The following RNF215 variants were observed in gnomAD, a reference collection of about 807,000 sequenced individuals.
RNF215 encodes ring finger protein 215.
RNF215 carries 41 observed loss-of-function variants against 44.8 expected under a neutral mutation model. The ratio of observed to expected loss-of-function variants is 0.92; its 90% CI spans 0.71 to 1.19. The LOEUF (loss-of-function observed/expected upper bound fraction) is 1.19. RNF215 is among the 50% of genes most tolerant of loss of function. The pLI, the probability that RNF215 is intolerant of heterozygous loss-of-function variation, is 0.00. For missense variants in RNF215, 452 were observed against 496.2 expected (o/e 0.91, Z 0.85); for synonymous variants, 218 against 230.1 (o/e 0.95, Z 0.48).
In RNF215 at chr22:30,379,696, A is replaced by G. The variant is rs1460267443; in HGVS notation, c.1111+15T>C. ...CAGGCAGAGTAGGCCGAGGGACCCC[A>G]CCCCTGGTGCTCACCCAGGACGTTG... is the stretch of plus-strand genomic sequence containing the variant. On this transcript the variant is annotated intron_variant, in intron 8 of 8. Transcript: ENST00000382363. The G allele has an allele frequency of 1.9e-6, 3 of 1,553,364 alleles. No homozygotes were observed. Among genetic ancestry groups the G allele is most frequent in the Non-Finnish European group, 2.6e-6 (3 of 1,148,056 alleles).
chr22:30,382,710 A>G (rs1322663533), intron 5 of RNF215, among the ~76,000 whole-genome samples: 2 of 152,138 alleles, frequency 1.3e-5, no homozygotes, highest in Admixed American at 1.3e-4. Context: ...GGGGAGCCCT[A>G]TGTGCCCCAG....
In RNF215 at chr22:30,380,108, C is replaced by A; in HGVS notation, c.962G>T (p.Gly321Val). ...SRAAQGLPDP[G>V]AETCAVCLDY... ...CAGGCACACCGCACAGGTCTCAGCA[C>A]CCGGATCTGGGAGGCCCTGCGCTGC... Residue 321 changes from glycine (G) to valine (V), a missense_variant, in exon 7 of 9, where the codon GGT (glycine) becomes GTT (valine). Physicochemically the swap from Gly to Val is moderately radical, Grantham distance 109 (BLOSUM62 -3). Coordinates refer to ENST00000382363, the MANE Select transcript of RNF215 (RefSeq NM_001017981.2). This position sits in a 1 kb window ranked among gnomAD's most constrained non-coding sequence, Gnocchi z 5.3. 6.2e-7 allele frequency: 1 copy of A among 1,613,962 alleles called. No individual in the cohort carries two copies. The highest frequency in any genetic ancestry group is 2.2e-5 in the East Asian group (1 of 44,880).
At position 30,384,532 on chromosome 22, in the gene RNF215, T is replaced by C. The variant is rs746184512; in HGVS notation, c.588-37A>G. 6.9e-6 allele frequency: 11 copies of C among 1,599,724 alleles called. No homozygotes were observed. The East Asian group carries it at 2.2e-4, about 33-fold the overall frequency. On this transcript the variant is annotated intron_variant, in intron 4 of 8. Transcript: ENST00000382363. ...AGTCACCGGGGCCAGATGGAAGGAC[T>C]CTTGGGAAGGGAGGCCCAGACCCAC...
intron 5 of RNF215, among the ~76,000 whole-genome samples, chr22:30,383,887 A>T (rs1215385993): frequency 6.6e-6 from 1 of 152,168 alleles, no homozygotes; most frequent in Non-Finnish European, 1.5e-5. Context: ...TTCTAGCTAG[A>T]CTAGGACGTG....
At chr22:30,385,279 G>A (rs1029401191) in intron 4 of RNF215, among the ~76,000 whole-genome samples, 4 of 152,012 alleles carry the variant, frequency 2.6e-5, no homozygotes, top group African/African-American at 4.8e-5. Context: ...AAAATTAGCC[G>A]GGCATGGTGG....
In RNF215 at chr22:30,387,367, G is replaced by A. The variant is rs1328922075; in HGVS notation, c.-54C>T. The A allele has an allele frequency of 8.7e-6, 9 of 1,028,696 alleles. No homozygotes were observed. Among genetic ancestry groups the A allele is most frequent in the Non-Finnish European group, 1.1e-5 (9 of 856,808 alleles). The allele number at this position is 1,028,696 out of a possible 1,614,324, so 63.7% of individuals were successfully genotyped here. A position where few individuals can be genotyped will look rare whatever the true frequency, so the allele number is the denominator to read the frequency against. ...TGGGGCCAGGGGTCCCGGGCGCGGGGGGGATCGGAGGGAGCGAGGCCGCTG... is the reference window on the plus strand; with the variant it reads ...TGGGGCCAGGGGTCCCGGGCGCGGGAGGGATCGGAGGGAGCGAGGCCGCTG... On this transcript the variant is annotated 5_prime_UTR_variant, in exon 1 of 9. Transcript: ENST00000382363.
In RNF215 at chr22:30,387,257, A is replaced by AGGCGGCGGCGGAGGC. The variant is rs1243772966; in HGVS notation, c.42_56dup (p.Pro16_Pro20dup). 22 of 1,029,428 alleles carry AGGCGGCGGCGGAGGC rather than the reference A, an allele frequency of 2.1e-5. No homozygotes were observed. The highest frequency in any genetic ancestry group is 2.6e-5 in the Non-Finnish European group (22 of 853,706). The allele number at this position is 1,029,428 out of a possible 1,614,324, so 63.8% of individuals were successfully genotyped here. A position where few individuals can be genotyped will look rare whatever the true frequency, so the allele number is the denominator to read the frequency against. ...GCAGCAGCAGCAGCAGCGGAGACGG[A>AGGCGGCGGCGGAGGC]GGCGGCGGCGGAGGCGGCGGCGGCG... On this transcript the variant is annotated inframe_insertion, in exon 1 of 9. Coordinates refer to ENST00000382363, the MANE Select transcript of RNF215 (RefSeq NM_001017981.2).
rs1933503300 is a variant in RNF215 at position 30,380,068 on chromosome 22, G to A, written c.1002C>T (p.Asn334=). The A allele has an allele frequency of 1.9e-6, 3 of 1,613,954 alleles. No individual in the cohort carries two copies. Among genetic ancestry groups the A allele is most frequent in the South Asian group, 1.1e-5 (1 of 91,084 alleles). Residue 334 remains asparagine, a synonymous_variant, in exon 7 of 9, where the codon AAC becomes AAT. Transcript: ENST00000382363. This position sits in a 1 kb window ranked among gnomAD's most constrained non-coding sequence, Gnocchi z 5.3. ...TCAVCLDYFC[N]KQWLRVLPCK... ...CTCTACCCGGGGCACTAGCCTGTTT[G>A]TTGCAGAAGTAGTCCAGGCACACCG...
At chr22:30,381,712 G>A (rs1041312706) in intron 5 of RNF215, among the ~76,000 whole-genome samples, 6 of 152,164 alleles carry the variant, frequency 3.9e-5, no homozygotes, top group Non-Finnish European at 8.8e-5. Flanking sequence ...AGAGGCCACC[G>A]CTCTAGACAA....
chr22:30,380,333 GACC>G lies in RNF215; in HGVS notation c.810_812del (p.Val271del), dbSNP rs1366217745. ...GCCGCGACGCCTGCCGCTGGGCCTG[GACC>G]ACGAGGCCTGTGCACAGGAGCATGG... On this transcript the variant is annotated inframe_deletion, in exon 6 of 9. Coordinates refer to ENST00000382363, the MANE Select transcript of RNF215 (RefSeq NM_001017981.2). The surrounding 1 kb of genome is among the most constrained non-coding windows in gnomAD (Gnocchi z 5.3). The G allele has an allele frequency of 6.2e-7, 1 of 1,611,838 alleles. No homozygotes were observed. The highest frequency in any genetic ancestry group is 8.5e-7 in the Non-Finnish European group (1 of 1,178,900).
At chr22:30,381,997 A>G (rs1933535705) in intron 5 of RNF215, among the ~76,000 whole-genome samples, 2 of 152,206 alleles carry the variant, frequency 1.3e-5, no homozygotes, top group African/African-American at 4.8e-5. Flanking sequence ...TCTGCTCTCC[A>G]GACTGGGCCC....
intron 2 of RNF215, among the ~76,000 whole-genome samples, 191 bp from the exon 3 acceptor site, chr22:30,386,332 C>T (rs775785943): frequency 1.8e-4 from 28 of 152,186 alleles, no homozygotes; most frequent in Non-Finnish European, 3.5e-4. Flanking sequence ...ATGCGCTGTG[C>T]CTTCCCCGGT....
chr22:30,386,515 T>G (rs1933601878), intron 2 of RNF215, 101 bp downstream of exon 2: 1 of 1,448,750 alleles, frequency 6.9e-7, no homozygotes, highest in African/African-American at 1.4e-5. Flanking sequence ...GCCTAGGGCT[T>G]CTCTGCAAGC....
Position 30,379,698 on chromosome 22 carries a change from C to T in RNF215, c.1111+13G>A. 1 of 1,553,746 alleles carries T rather than the reference C, an allele frequency of 6.4e-7. No individual in the cohort carries two copies. The highest frequency in any genetic ancestry group is 8.7e-7 in the Non-Finnish European group (1 of 1,148,196). The stretch of plus-strand genomic sequence containing the variant: ...GGCAGAGTAGGCCGAGGGACCCCAC[C>T]CCTGGTGCTCACCCAGGACGTTGAA... On this transcript the variant is annotated intron_variant, in intron 8 of 8. Transcript: ENST00000382363.
chr22:30,380,471 C>T lies in RNF215; in HGVS notation c.745-70G>A, dbSNP rs990357396. 2 of 1,517,100 alleles carry T rather than the reference C, an allele frequency of 1.3e-6. No individual in the cohort carries two copies. The highest frequency in any genetic ancestry group is 1.8e-6 in the Non-Finnish European group (2 of 1,130,980). The allele number at this position is 1,517,100 out of a possible 1,614,324, so 94.0% of individuals were successfully genotyped here. ...CGCCTCCCTTAGGAACATCTACCCCCAGGAACGCCAGGGAGCAGGCAGGTG... is the reference window on the plus strand; with the variant it reads ...CGCCTCCCTTAGGAACATCTACCCCTAGGAACGCCAGGGAGCAGGCAGGTG... On this transcript the variant is annotated intron_variant, in intron 5 of 8. Transcript: ENST00000382363. This position sits in a 1 kb window ranked among gnomAD's most constrained non-coding sequence, Gnocchi z 5.3.
chr22:30,386,450 T>A (rs56222115), intron 2 of RNF215, among the ~76,000 whole-genome samples, 166 bp downstream of exon 2: 1 of 152,148 alleles, frequency 6.6e-6, no homozygotes, highest in African/African-American at 2.4e-5. Flanking sequence ...CTCACCTCCC[T>A]GCTTCGAAGC....
chr22:30,386,676 C>T lies in RNF215; in HGVS notation c.369G>A (p.Gln123=). Residue 123 remains glutamine, a synonymous_variant, in exon 2 of 9, where the codon CAG becomes CAA. Transcript: ENST00000382363. ...VAYVGKEQAA[Q]FHQENKGSGP... ...CACTGCCCTTATTCTCCTGGTGGAA[C>T]TGGGCCGCCTGCTCCTTGCCCACGT... is the stretch of plus-strand genomic sequence containing the variant. The T allele has an allele frequency of 6.2e-7, 1 of 1,613,006 alleles. No homozygotes were observed. Among genetic ancestry groups the T allele is most frequent in the Non-Finnish European group, 8.5e-7 (1 of 1,180,006 alleles).
chr22:30,383,417 ACCGTC>A (rs1028451555), intron 5 of RNF215, among the ~76,000 whole-genome samples: 1 of 152,132 alleles, frequency 6.6e-6, no homozygotes, highest in African/African-American at 2.4e-5. Context: ...TACACAGAGT[ACCGTC>A]CCTGTTTGCA....
intron 5 of RNF215, among the ~76,000 whole-genome samples, chr22:30,381,626 G>A (rs1189987153): frequency 1.3e-5 from 2 of 152,206 alleles, no homozygotes; most frequent in African/African-American, 2.4e-5. Context: ...CTCTGCCATC[G>A]TGTTCTTCCC....
Sources: allele counts gnomAD v4.1 joint callset (sites outside exome capture counted in the v4.1 genomes callset), GRCh38; gene constraint gnomAD v4.1.1; non-coding constraint Gnocchi (gnomAD v3.1); transcripts MANE v1.5; gene names NCBI Gene and HGNC (gene_info 2026-07-23, HGNC 2026-07-21).